The following HEATR4 variants were observed in gnomAD, a reference collection of about 807,000 sequenced individuals.
HEATR4 encodes the protein HEAT repeat containing 4, also known as HEAT repeat-containing protein 4.
A neutral mutation model predicts 108.8 loss-of-function variants in HEATR4; 95 were observed. That is an observed-to-expected ratio of 0.87 (90% CI 0.74 to 1.04). HEATR4 has a LOEUF of 1.04. Ranked by LOEUF, HEATR4 falls within the 50% of genes least tolerant of loss-of-function variation. The pLI is 0.00. For missense variants in HEATR4, 1,152 were observed against 1,253.8 expected, an observed-to-expected ratio of 0.92 and a Z score of 1.23; for synonymous variants, 443 against 459.4, an observed-to-expected ratio of 0.96 and a Z score of 0.46.
intron 2 of HEATR4, among the ~76,000 whole-genome samples, chr14:73,525,610 C>T (rs1219236505): frequency 2.6e-5 from 4 of 152,128 alleles, no homozygotes; most frequent in Admixed American, 6.6e-5. Flanking sequence ...ACCCCTCCAG[C>T]GATTGTCTCC....
In HEATR4 at chr14:73,550,791, G is replaced by A. The variant is rs1321596361; in HGVS notation, c.-152+7960C>T. 1.7e-5 allele frequency among the ~76,000 whole-genome samples: 2 copies of A among 115,628 alleles called. 1 individual carries two copies. Among genetic ancestry groups the A allele is most frequent in the Admixed American group, 2.0e-4 (2 of 10,156 alleles). 75.9% of individuals were successfully genotyped at this position (115,628 alleles called of 152,430 possible). ...CTTTTAAACCAAGAAGACAAGAACC[G>A]AGGTGTCACATCAGCCGCCAAAGAA... On this transcript the variant is annotated intron_variant, in intron 1 of 17. Transcript: ENST00000553558.
intron 17 of HEATR4, among the ~76,000 whole-genome samples, chr14:73,488,102 G>A (rs1885520762): frequency 6.6e-6 from 1 of 152,100 alleles, no homozygotes; most frequent in Admixed American, 6.6e-5. Context: ...AGCTATCTGT[G>A]GTATAAATTG....
intron 17 of HEATR4, among the ~76,000 whole-genome samples, chr14:73,488,332 G>A (rs905657234): frequency 1.3e-5 from 2 of 152,174 alleles, no homozygotes; most frequent in Non-Finnish European, 2.9e-5. Flanking sequence ...GTGCAGTAGC[G>A]TGATCTTGAC....
intron 1 of HEATR4, chr14:73,537,100 C>A: frequency 4.3e-6 from 1 of 234,524 alleles, no homozygotes; most frequent in Non-Finnish European, 7.5e-6. Flanking sequence ...TCTCCTGCCT[C>A]AGCCTCCCGA....
chr14:73,618,576 A>G, the HEATR4 span, among the ~76,000 whole-genome samples: 2 of 146,294 alleles, frequency 1.4e-5, 1 homozygote, highest in African/African-American at 5.6e-5. Flanking sequence ...TTTAAATTTG[A>G]GCCTGAACTT....
chr14:73,534,643 C>T lies in HEATR4; in HGVS notation c.-151-4399G>A, dbSNP rs1307962938. Among the ~76,000 whole-genome samples, 13 of 112,186 alleles carry T rather than the reference C, an allele frequency of 1.2e-4. 4 individuals carry two copies. In the South Asian group the frequency reaches 3.7e-3, roughly 32 times the overall value. The allele number at this position is 112,186 out of a possible 152,430, so 73.6% of individuals were successfully genotyped here. A position where few individuals can be genotyped will look rare whatever the true frequency, so the allele number is the denominator to read the frequency against. ...GGTTGAGGCTGCAGTGAGCTATGAT[C>T]GCACCACTGCACTCCAGCCTGGGTA... On this transcript the variant is annotated intron_variant, in intron 1 of 17. Transcript: ENST00000553558.
the HEATR4 span, chr14:73,619,915 TTC>T: frequency 2.8e-6 from 4 of 1,430,622 alleles, no homozygotes; most frequent in South Asian, 5.8e-5. Flanking sequence ...TTTCTTTCTT[TTC>T]TCTTTTTTTT....
At chr14:73,570,535 C>T in the HEATR4 span, among the ~76,000 whole-genome samples, 1 of 151,858 alleles carries the variant, frequency 6.6e-6, no homozygotes, top group Non-Finnish European at 1.5e-5. Flanking sequence ...CGCCACTGCA[C>T]TCCAGCCTGG....
the HEATR4 span, chr14:73,574,818 G>C: frequency 6.3e-7 from 1 of 1,599,080 alleles, no homozygotes; most frequent in Non-Finnish European, 8.5e-7. Context: ...TTCAGACTCA[G>C]GTTCAACTAA....
chr14:73,502,747 C>T (rs1886550803), intron 11 of HEATR4, 148 bp downstream of exon 11: 2 of 663,794 alleles, frequency 3.0e-6, no homozygotes, highest in South Asian at 1.8e-5. Context: ...CAGGGTTTTA[C>T]TGTGTTAGCC....
At chr14:73,503,806 C>T (rs978467664) in intron 10 of HEATR4, among the ~76,000 whole-genome samples, 1 of 152,092 alleles carries the variant, frequency 6.6e-6, no homozygotes, top group African/African-American at 2.4e-5. Context: ...GTGCCTAGTG[C>T]GTCGGATGTG....
the HEATR4 span, chr14:73,581,046 GAT>G: frequency 6.6e-6 from 1 of 151,822 alleles, no homozygotes; most frequent in Non-Finnish European, 1.5e-5. Flanking sequence ...ATAGTGTTTT[GAT>G]ATGTGTATAT....
intron 5 of HEATR4, among the ~76,000 whole-genome samples, chr14:73,518,276 C>T (rs976259051): frequency 3.9e-5 from 6 of 151,952 alleles, no homozygotes; most frequent in Middle Eastern, 3.4e-3. Context: ...TGGAGGCATG[C>T]ACCTGTGATT....
intron 17 of HEATR4, chr14:73,490,969 T>C: frequency 7.6e-7 from 1 of 1,310,674 alleles, no homozygotes; most frequent in Non-Finnish European, 9.8e-7. Flanking sequence ...GGAACCGCTT[T>C]AGCTTCGCCC....
chr14:73,605,920 T>C, the HEATR4 span, among the ~76,000 whole-genome samples: 2 of 152,118 alleles, frequency 1.3e-5, no homozygotes, highest in Non-Finnish European at 2.9e-5. Context: ...AGATCAGTGC[T>C]TGAGATACTT....
the HEATR4 span, among the ~76,000 whole-genome samples, chr14:73,630,046 C>T: frequency 6.6e-6 from 1 of 151,042 alleles, no homozygotes. Flanking sequence ...AAATAAAAAA[C>T]AAAAAAATTT....
the HEATR4 span, among the ~76,000 whole-genome samples, chr14:73,586,474 A>C: frequency 6.6e-6 from 1 of 150,936 alleles, no homozygotes; most frequent in South Asian, 2.1e-4. Context: ...GGAGGCCAAC[A>C]CAGGAGGATC....
At chr14:73,558,167 G>A (rs1172767847) in intron 1 of HEATR4, among the ~76,000 whole-genome samples, 2 of 126,474 alleles carry the variant, frequency 1.6e-5, no homozygotes, top group African/African-American at 3.0e-5. Flanking sequence ...CTGGTTAGTG[G>A]GGAGAGTGGG....
the HEATR4 span, chr14:73,592,132 G>A: frequency 1.7e-5 from 27 of 1,568,822 alleles, 1 homozygote; most frequent in Non-Finnish European, 2.2e-5. Context: ...GACGCCCGCG[G>A]CGAGCTGGAC....
Sources: allele counts gnomAD v4.1 joint callset (sites outside exome capture counted in the v4.1 genomes callset), GRCh38; gene constraint gnomAD v4.1.1; transcripts MANE v1.5; gene names NCBI Gene and HGNC (gene_info 2026-07-23, HGNC 2026-07-21).